The following CEBPZOS variants were observed in gnomAD, a reference collection of about 807,000 sequenced individuals.
The protein encoded by CEBPZOS is protein CEBPZOS.
A neutral mutation model predicts 4.8 loss-of-function variants in CEBPZOS; 10 were observed. That is an observed-to-expected ratio of 2.07 (90% CI 1.28 to 3.52). CEBPZOS has a LOEUF of 3.52. Ranked by LOEUF, CEBPZOS falls within the 30% of genes most tolerant of loss-of-function variation. The probability of loss-of-function intolerance (pLI) is 0.00; values close to 1 mark genes in which losing one functional copy is unlikely to be tolerated. For synonymous variants in CEBPZOS, 25 were observed against 14.2 expected (o/e 1.77, Z -1.72); for missense variants, 98 against 43.6 (o/e 2.25, Z -3.51).
downstream of CEBPZOS, among the ~76,000 whole-genome samples, chr2:37,205,233 T>C (rs933275807): frequency 2.0e-5 from 3 of 152,224 alleles, no homozygotes; most frequent in Non-Finnish European, 4.4e-5. Context: ...TTGTCAGGCC[T>C]CTGAGCCCAA....
At chr2:37,215,628 G>T (rs903775381), downstream of CEBPZOS, 1 of 152,890 alleles carries the variant, frequency 6.5e-6, no homozygotes, top group African/African-American at 2.4e-5. Flanking sequence ...ATGAGATCTG[G>T]TATGCAAAGA....
chr2:37,206,453 G>C (rs1306327252), downstream of CEBPZOS, among the ~76,000 whole-genome samples: 1 of 152,218 alleles, frequency 6.6e-6, no homozygotes, highest in African/African-American at 2.4e-5. Flanking sequence ...TGCCTAATGG[G>C]TTCAAGTGAT....
intron 4 of CEBPZOS, chr2:37,212,231 A>T: frequency 9.0e-7 from 1 of 1,110,626 alleles, no homozygotes; most frequent in Non-Finnish European, 1.3e-6. Flanking sequence ...AACTTACTTG[A>T]CTACATTTCC....
In CEBPZOS at chr2:37,199,712, G is replaced by A. The variant is rs551241155; in HGVS notation, c.8G>A (p.Arg3His). The A allele has an allele frequency of 3.5e-5, 25 of 717,304 alleles. No individual in the cohort carries two copies. The highest frequency in any genetic ancestry group is 6.0e-5 in the Admixed American group (3 of 50,000). 44.4% of individuals were successfully genotyped at this position (717,304 alleles called of 1,614,324 possible). The change falls in exon 2 of 5, where the codon CGT becomes CAT. Residue 3 changes from arginine to histidine, a missense_variant. Transcript: ENST00000402297. ...TCTGTTGTTAAATTTAGGATGGCCC[G>A]TACTTTGGAACCACTAGCAAAGAAG... is the stretch of plus-strand genomic sequence containing the variant. The part of the protein sequence containing the change: MA[R>H]TLEPLAKKIF...
At chr2:37,209,183 T>G (rs1179064165), downstream of CEBPZOS, 1 of 152,040 alleles carries the variant, frequency 6.6e-6, no homozygotes, top group Non-Finnish European at 1.5e-5. Context: ...TGTTCATGGA[T>G]GGGTAGAATC....
chr2:37,213,872 T>G, downstream of CEBPZOS: 4 of 1,604,646 alleles, frequency 2.5e-6, no homozygotes, highest in Non-Finnish European at 3.4e-6. Context: ...ACCAATCAGC[T>G]CTTCAAATTC....
At chr2:37,214,932 C>T (rs369467054), downstream of CEBPZOS, 33 of 1,608,170 alleles carry the variant, frequency 2.1e-5, no homozygotes, top group Non-Finnish European at 2.8e-5. Flanking sequence ...TCTTCTTTTG[C>T]AAGGAACTCC....
In CEBPZOS at chr2:37,202,059, C is replaced by A; in HGVS notation, c.*199C>A. The A allele has an allele frequency of 2.1e-6, 1 of 482,630 alleles. No individual in the cohort carries two copies. The highest frequency in any genetic ancestry group is 5.7e-5 in the South Asian group (1 of 17,394). The allele number at this position is 482,630 out of a possible 1,614,324, so 29.9% of individuals were successfully genotyped here. ...CCACTGCTTGTTTGTTGCTTTTCTT[C>A]TCATATTTATTGTCAAAGATAAATG... On this transcript the variant is annotated 3_prime_UTR_variant, in exon 5 of 5. Coordinates refer to ENST00000402297, the MANE Select transcript of CEBPZOS (RefSeq NM_001322374.2).
chr2:37,211,122 C>T (rs1359987311), intron 4 of CEBPZOS: 19 of 1,344,380 alleles, frequency 1.4e-5, no homozygotes, highest in Non-Finnish European at 1.8e-5. Context: ...AATTTAAAAA[C>T]AATAAGACTG....
downstream of CEBPZOS, among the ~76,000 whole-genome samples, chr2:37,208,634 A>T (rs1396040184): frequency 2.0e-5 from 3 of 152,174 alleles, no homozygotes; most frequent in Non-Finnish European, 4.4e-5. Flanking sequence ...CATACAAGGG[A>T]CGTACCTTAA....
At chr2:37,215,069 G>C, downstream of CEBPZOS, 1 of 704,918 alleles carries the variant, frequency 1.4e-6, no homozygotes. Context: ...AATTGTGTGG[G>C]AAGGTAGACA....
chr2:37,210,420 A>T (rs1677683460), intron 4 of CEBPZOS: 1 of 152,310 alleles, frequency 6.6e-6, no homozygotes, highest in Non-Finnish European at 1.5e-5. Flanking sequence ...GTATACATAT[A>T]CCATGGAATG....
At chr2:37,211,633 T>C in intron 4 of CEBPZOS, 1 of 480,876 alleles carries the variant, frequency 2.1e-6, no homozygotes, top group Non-Finnish European at 3.6e-6. Flanking sequence ...AGTCCAAAGC[T>C]CAAAAAGCTG....
At chr2:37,198,415 T>C (rs1374817524) in intron 1 of CEBPZOS, 1 of 152,094 alleles carries the variant, frequency 6.6e-6, no homozygotes, top group Non-Finnish European at 1.5e-5. Context: ...ATTTGGGGGG[T>C]GGTGGGGAGG....
At chr2:37,213,625 G>A in exon 5 of CEBPZOS, 1 of 360,852 alleles carries the variant, frequency 2.8e-6, no homozygotes, top group Non-Finnish European at 5.1e-6. Context: ...TATTGGCCAG[G>A]CTGGTCTCGA....
Position 37,196,508 on chromosome 2 carries a change from G to C in CEBPZOS, c.-14G>C, listed in dbSNP as rs200040793. On this transcript the variant is annotated 5_prime_UTR_variant, in exon 1 of 5. Coordinates refer to ENST00000402297, the MANE Select transcript of CEBPZOS (RefSeq NM_001322374.2). ...CCGTTGCGCATGCGCAGTCCCCCTT[G>C]AACGCACCTCAGGTAAGACTCTGGC... 1 of 152,260 alleles carries C rather than the reference G, an allele frequency of 6.6e-6. No homozygotes were observed. The highest frequency in any genetic ancestry group is 1.5e-5 in the Non-Finnish European group (1 of 68,076). The allele number at this position is 152,260 out of a possible 1,614,324, so 9.4% of individuals were successfully genotyped here. A position where few individuals can be genotyped will look rare whatever the true frequency, so the allele number is the denominator to read the frequency against.
Position 37,201,442 on chromosome 2 carries a change from ACAT to A in CEBPZOS, c.161-196_161-194del, listed in dbSNP as rs1164806563. The A allele has an allele frequency of 1.3e-5, 7 of 539,208 alleles. No individual in the cohort carries two copies. The African/African-American group carries it at 1.3e-4, about 10-fold the overall frequency. 33.4% of individuals were successfully genotyped at this position (539,208 alleles called of 1,614,324 possible). A position where few individuals can be genotyped will look rare whatever the true frequency, so the allele number is the denominator to read the frequency against. ...AAGTAGATAAAGACTGAACAAGATG[ACAT>A]CATGTAGTTAGACGAAATAGTGCTC... On this transcript the variant is annotated intron_variant, in intron 3 of 4. Coordinates refer to ENST00000402297, the MANE Select transcript of CEBPZOS (RefSeq NM_001322374.2).
At chr2:37,201,375 T>G (rs1677222087) in intron 3 of CEBPZOS, 2 of 496,838 alleles carry the variant, frequency 4.0e-6, no homozygotes. Flanking sequence ...ATCAGTTTCA[T>G]CTCAGGTTTG....
downstream of CEBPZOS, among the ~76,000 whole-genome samples, chr2:37,208,644 A>G (rs1196510379): frequency 2.0e-5 from 3 of 152,202 alleles, no homozygotes; most frequent in Admixed American, 2.0e-4. Flanking sequence ...ACGTACCTTA[A>G]AAGTAATGAA....
Sources: gnomAD v4.1 joint callset for allele counts (sites outside exome capture counted in the v4.1 genomes callset) on GRCh38, gnomAD v4.1.1 for gene constraint, MANE v1.5 for transcripts, NCBI Gene and HGNC (gene_info 2026-07-23, HGNC 2026-07-21) for gene names.